SCAMP1: variants seen among roughly 807,000 people sequenced by gnomAD.
SCAMP1 encodes secretory carrier membrane protein 1.
Under a neutral mutation model 41.8 loss-of-function variants are expected in SCAMP1, and 15 were observed. The ratio of observed to expected loss-of-function variants is 0.36; its 90% confidence interval spans 0.24 to 0.55. SCAMP1 has a LOEUF of 0.55. Among genes scored for constraint, SCAMP1 ranks in the 20% least tolerant of loss-of-function variants. The pLI is 0.86. For synonymous variants in SCAMP1, 135 were observed against 136.8 expected, an observed-to-expected ratio of 0.99 and a Z score of 0.09; for missense variants, 341 against 412.6, an observed-to-expected ratio of 0.83 and a Z score of 1.50.
chr5:78,460,792 C>CTTTCTTTCTTT (rs1455953441), intron 8 of SCAMP1, among the ~76,000 whole-genome samples: 388 of 34,604 alleles, frequency 0.011, 21 homozygotes, highest in East Asian at 0.032. Context: ...TTCCTTCCTT[C>CTTTCTTTCTTT]CTTCCTTCCT....
chr5:78,377,893 C>T (rs138359827), intron 1 of SCAMP1, among the ~76,000 whole-genome samples: 37 of 152,208 alleles, frequency 2.4e-4, no homozygotes, highest in East Asian at 1.4e-3. Flanking sequence ...CAGTGAAATA[C>T]GAAGTGACTT....
At chr5:78,474,373 C>G (rs1001651162) in intron 8 of SCAMP1, among the ~76,000 whole-genome samples, 1 of 152,156 alleles carries the variant, frequency 6.6e-6, no homozygotes, top group Non-Finnish European at 1.5e-5. Context: ...TGAACCAAAC[C>G]TTTACCTGCC....
chr5:78,407,885 A>G (rs559750101), intron 2 of SCAMP1, among the ~76,000 whole-genome samples: 1 of 152,292 alleles, frequency 6.6e-6, no homozygotes, highest in South Asian at 2.1e-4. Flanking sequence ...GTCTCTTGTT[A>G]GTCAAACTTG....
intron 2 of SCAMP1, among the ~76,000 whole-genome samples, chr5:78,410,208 T>G (rs1184989683): frequency 6.6e-6 from 1 of 152,006 alleles, no homozygotes; most frequent in African/African-American, 2.4e-5. Flanking sequence ...CATGGTGGTT[T>G]GTTGCACAGA....
At chr5:78,391,964 C>T (rs1751521851) in intron 2 of SCAMP1, among the ~76,000 whole-genome samples, 1 of 151,740 alleles carries the variant, frequency 6.6e-6, no homozygotes, top group Non-Finnish European at 1.5e-5. Context: ...GCAGTACAGT[C>T]CAGCTTCGGC....
chr5:78,388,958 A>C (rs746090794), intron 2 of SCAMP1, 44 bp downstream of exon 2: 5 of 985,936 alleles, frequency 5.1e-6, no homozygotes, highest in Non-Finnish European at 7.6e-6. Flanking sequence ...GAAATTCAGT[A>C]GGAATTCTAT....
intron 2 of SCAMP1, among the ~76,000 whole-genome samples, chr5:78,391,614 G>A (rs1411267966): frequency 6.6e-6 from 1 of 152,232 alleles, no homozygotes; most frequent in African/African-American, 2.4e-5. Context: ...TGGCGGCCGG[G>A]CAGAGGCTGC....
chr5:78,424,601 T>C (rs1752420520), intron 6 of SCAMP1, among the ~76,000 whole-genome samples: 1 of 152,176 alleles, frequency 6.6e-6, no homozygotes, highest in South Asian at 2.1e-4. Context: ...TATCGTGGCA[T>C]GTTTCTGTAA....
At chr5:78,399,833 C>T (rs573127073) in intron 2 of SCAMP1, among the ~76,000 whole-genome samples, 15 of 152,258 alleles carry the variant, frequency 9.9e-5, no homozygotes, top group Admixed American at 6.5e-4. Flanking sequence ...GGGATCATGC[C>T]ATTGTTGTTC....
chr5:78,418,879 A>G lies in SCAMP1; in HGVS notation c.448A>G (p.Lys150Glu), dbSNP rs1278110197. The G allele has an allele frequency of 1.3e-6, 2 of 1,577,082 alleles. No individual in the cohort carries two copies. Among genetic ancestry groups the G allele is most frequent in the Admixed American group, 1.8e-5 (1 of 54,340 alleles). The change falls in exon 5 of 9, where the codon AAG (lysine) becomes GAG (glutamate). Residue 150 changes from lysine to glutamate, a missense_variant. Transcript: ENST00000621999. ...DIPVEFQKTV[K>E]LMYYLWMFHA... ...TCCTGTAGAATTCCAAAAGACAGTA[A>G]AGCTTATGTACTACTTGTGGATGTG... is the stretch of plus-strand genomic sequence containing the variant.
At chr5:78,473,662 G>A (rs896774944) in intron 8 of SCAMP1, among the ~76,000 whole-genome samples, 1 of 151,882 alleles carries the variant, frequency 6.6e-6, no homozygotes, top group Non-Finnish European at 1.5e-5. Context: ...AATATCTATC[G>A]TTGCCATCTT....
chr5:78,442,752 G>A (rs1752957192), intron 6 of SCAMP1, among the ~76,000 whole-genome samples: 1 of 152,178 alleles, frequency 6.6e-6, no homozygotes, highest in Non-Finnish European at 1.5e-5. Flanking sequence ...TCAAATGTGA[G>A]ATTTTAGTTG....
intron 8 of SCAMP1, among the ~76,000 whole-genome samples, chr5:78,462,567 A>G (rs975313018): frequency 1.5e-4 from 23 of 152,114 alleles, no homozygotes; most frequent in African/African-American, 5.6e-4. Flanking sequence ...CAAGTGATCT[A>G]CTTGCCTTGG....
intron 6 of SCAMP1, among the ~76,000 whole-genome samples, chr5:78,425,857 C>T (rs1205639933): frequency 6.6e-6 from 1 of 152,046 alleles, no homozygotes; most frequent in Non-Finnish European, 1.5e-5. Flanking sequence ...TGTACGTGTG[C>T]CATGGTGGTT....
At position 78,430,217 on chromosome 5, in the gene SCAMP1, A is replaced by T. The variant is rs866223220; in HGVS notation, c.632+8257A>T. 4.2e-3 allele frequency among the ~76,000 whole-genome samples: 215 copies of T among 51,530 alleles called. 22 individuals are homozygous for T. The highest frequency in any genetic ancestry group is 0.012 in the African/African-American group (89 of 7,736). The allele number at this position is 51,530 out of a possible 152,430, so 33.8% of individuals were successfully genotyped here. ...AAATACAGTATTTATTTATAAATAC[A>T]GTATTTATTTATAAATACAGTATTT... On this transcript the variant is annotated intron_variant, in intron 6 of 8. Transcript: ENST00000621999.
intron 6 of SCAMP1, among the ~76,000 whole-genome samples, chr5:78,429,260 G>A (rs1179447238): frequency 6.6e-6 from 1 of 150,690 alleles, no homozygotes; most frequent in African/African-American, 2.4e-5. Flanking sequence ...CATTAAGGAT[G>A]ATATTGACTG....
At chr5:78,411,889 T>C (rs1752086471) in intron 2 of SCAMP1, among the ~76,000 whole-genome samples, 1 of 152,142 alleles carries the variant, frequency 6.6e-6, no homozygotes, top group Non-Finnish European at 1.5e-5. Context: ...ATAATCCCAC[T>C]TTTCAGTGTG....
rs535160077 is a variant in SCAMP1 at position 78,470,610 on chromosome 5, C to T, written c.853-4894C>T. Among the ~76,000 whole-genome samples the T allele has an allele frequency of 2.0e-5, 3 of 152,152 alleles. No individual in the cohort carries two copies. The South Asian group carries it at 6.2e-4, about 32-fold the overall frequency. ...TTTTGGCTATTGTGAATAGTGCTGC[C>T]GTGAACATTGGTGTACAGTTATCTG... On this transcript the variant is annotated intron_variant, in intron 8 of 8. Transcript: ENST00000621999.
intron 6 of SCAMP1, among the ~76,000 whole-genome samples, chr5:78,424,389 G>A (rs905391053): frequency 2.0e-5 from 3 of 152,106 alleles, no homozygotes; most frequent in Admixed American, 1.3e-4. Flanking sequence ...TTAGGTATCA[G>A]GATTAAACAT....
Sources: gnomAD v4.1 joint callset for allele counts (sites outside exome capture counted in the v4.1 genomes callset) on GRCh38, gnomAD v4.1.1 for gene constraint, MANE v1.5 for transcripts, NCBI Gene and HGNC (gene_info 2026-07-23, HGNC 2026-07-21) for gene names.